Variants in EGFLAM observed in about 807,000 individuals in gnomAD.
EGFLAM encodes the protein EGF like, fibronectin type III and laminin G domains, also known as pikachurin.
A neutral mutation model predicts 113.1 loss-of-function variants in EGFLAM; 79 were observed. The ratio of observed to expected loss-of-function variants is 0.70; its 90% CI spans 0.58 to 0.84. The LOEUF is 0.84. EGFLAM is among the 40% of genes least tolerant of loss of function. The pLI is 0.00. For synonymous variants in EGFLAM, 504 were observed against 487.6 expected (o/e 1.03, Z -0.44); for missense variants, 1,265 against 1,291.6 (o/e 0.98, Z 0.32).
At chr5:38,323,014 A>G (rs1286190467) in intron 1 of EGFLAM, among the ~76,000 whole-genome samples, 1 of 152,190 alleles carries the variant, frequency 6.6e-6, no homozygotes, top group East Asian at 1.9e-4. Context: ...CTGCTTTAAT[A>G]ATAATAGTTG....
rs184822352 is a variant in EGFLAM at position 38,362,285 on chromosome 5, A to G, written c.546-8011A>G. 1.1e-4 allele frequency among the ~76,000 whole-genome samples: 16 copies of G among 152,334 alleles called. 1 individual carries two copies. The East Asian group carries it at 2.7e-3, about 26-fold the overall frequency. On this transcript the variant is annotated intron_variant, in intron 5 of 21. Coordinates refer to ENST00000322350, the MANE Select transcript of EGFLAM (RefSeq NM_152403.4). Reference sequence around the variant, plus strand: ...CCTACTGTGATTTTATTTCATGTGGAATGCAAATTCATGTCTTAGAGCTCG... The same window carrying G: ...CCTACTGTGATTTTATTTCATGTGGGATGCAAATTCATGTCTTAGAGCTCG...
intron 1 of EGFLAM, among the ~76,000 whole-genome samples, chr5:38,271,932 A>G (rs768378783): frequency 2.0e-5 from 3 of 152,204 alleles, no homozygotes; most frequent in Non-Finnish European, 2.9e-5. Context: ...ACATTTTCAC[A>G]TTGTGTGATT....
chr5:38,325,104 A>G (rs773379553), intron 1 of EGFLAM, among the ~76,000 whole-genome samples: 6 of 152,152 alleles, frequency 3.9e-5, no homozygotes, highest in Non-Finnish European at 8.8e-5. Context: ...CACAGGATAT[A>G]TGTGGCAATG....
At chr5:38,387,289 C>T (rs572538153) in intron 6 of EGFLAM, among the ~76,000 whole-genome samples, 8 of 152,292 alleles carry the variant, frequency 5.3e-5, no homozygotes, top group East Asian at 3.9e-4. Context: ...GGATAAAGGC[C>T]GTATGATGGC....
At chr5:38,323,491 G>T (rs1192998073) in intron 1 of EGFLAM, among the ~76,000 whole-genome samples, 1 of 152,094 alleles carries the variant, frequency 6.6e-6, no homozygotes, top group Admixed American at 6.5e-5. Flanking sequence ...TTGTATAGAT[G>T]CATTATTTTA....
intron 17 of EGFLAM, among the ~76,000 whole-genome samples, chr5:38,444,041 G>A (rs1428114486): frequency 6.6e-6 from 1 of 152,110 alleles, no homozygotes; most frequent in Non-Finnish European, 1.5e-5. Flanking sequence ...AAAGGGCTGG[G>A]ATTACAGGTG....
intron 13 of EGFLAM, among the ~76,000 whole-genome samples, chr5:38,425,486 A>G (rs1741973433): frequency 6.6e-6 from 1 of 152,116 alleles, no homozygotes; most frequent in Admixed American, 6.5e-5. Context: ...TACTTTTAAC[A>G]AATCTAACAA....
intron 9 of EGFLAM, among the ~76,000 whole-genome samples, 166 bp downstream of exon 9, chr5:38,408,071 A>G (rs954386412): frequency 1.3e-5 from 2 of 152,206 alleles, no homozygotes; most frequent in East Asian, 3.8e-4. Context: ...ATAGGAATGA[A>G]GAGTACATTC....
At chr5:38,267,903 T>C (rs1757671682) in intron 1 of EGFLAM, among the ~76,000 whole-genome samples, 3 of 152,196 alleles carry the variant, frequency 2.0e-5, no homozygotes. Flanking sequence ...AATGTTTTTA[T>C]TGGTGAAAAT....
At chr5:38,385,827 T>C (rs990372191) in intron 6 of EGFLAM, among the ~76,000 whole-genome samples, 1 of 152,232 alleles carries the variant, frequency 6.6e-6, no homozygotes, top group Non-Finnish European at 1.5e-5. Flanking sequence ...ACAACAGGGA[T>C]ACATTCTGAG....
intron 1 of EGFLAM, among the ~76,000 whole-genome samples, chr5:38,274,448 G>A (rs7724603): frequency 0.41 from 62,976 of 151,980 alleles, 13,580 homozygotes; most frequent in Middle Eastern, 0.58. Flanking sequence ...GATCCTGAAA[G>A]CAGCAAGAGA....
At chr5:38,422,847 A>G (rs1741878541) in intron 12 of EGFLAM, among the ~76,000 whole-genome samples, 1 of 152,206 alleles carries the variant, frequency 6.6e-6, no homozygotes, top group African/African-American at 2.4e-5. Flanking sequence ...AGCTCCAGGC[A>G]GAGGCTAGGG....
intron 1 of EGFLAM, among the ~76,000 whole-genome samples, chr5:38,302,254 A>G (rs983871921): frequency 1.3e-5 from 2 of 149,860 alleles, no homozygotes; most frequent in Non-Finnish European, 1.5e-5. Flanking sequence ...AAAAAAAAAA[A>G]TCAGTCTCAA....
chr5:38,384,229 C>T (rs183774909), intron 6 of EGFLAM, among the ~76,000 whole-genome samples: 2 of 151,986 alleles, frequency 1.3e-5, no homozygotes, highest in African/African-American at 2.4e-5. Context: ...TTGAAACTGG[C>T]GAGTCATTGA....
intron 1 of EGFLAM, among the ~76,000 whole-genome samples, chr5:38,329,421 T>C (rs962735323): frequency 6.6e-6 from 1 of 152,198 alleles, no homozygotes; most frequent in African/African-American, 2.4e-5. Context: ...AATATTTTTG[T>C]TATTGGGTCC....
At chr5:38,262,202 C>T (rs1448213949) in intron 1 of EGFLAM, among the ~76,000 whole-genome samples, 2 of 152,212 alleles carry the variant, frequency 1.3e-5, no homozygotes, top group Admixed American at 6.5e-5. Flanking sequence ...ACCTGAGTCT[C>T]ACCAGAAAGT....
In EGFLAM at chr5:38,462,902, T is replaced by C; in HGVS notation, c.2772-6T>C. On this transcript the variant is annotated splice_polypyrimidine_tract_variant and splice_region_variant and intron_variant, in intron 20 of 21. Coordinates refer to ENST00000322350, the MANE Select transcript of EGFLAM (RefSeq NM_152403.4). Reference sequence around the variant, plus strand: ...TTTTGTTCTTTTTTGTTTTGGTGTTTTGCAGGGATGGCCAGTCAGGAAAGA... The same window carrying C: ...TTTTGTTCTTTTTTGTTTTGGTGTTCTGCAGGGATGGCCAGTCAGGAAAGA... 2 of 1,614,094 alleles carry C rather than the reference T, an allele frequency of 1.2e-6. No individual in the cohort carries two copies. Among genetic ancestry groups the C allele is most frequent in the Non-Finnish European group, 1.7e-6 (2 of 1,179,982 alleles).
intron 1 of EGFLAM, among the ~76,000 whole-genome samples, chr5:38,289,615 C>A (rs2111785961): frequency 6.6e-6 from 1 of 152,310 alleles, no homozygotes; most frequent in Non-Finnish European, 1.5e-5. Flanking sequence ...CAAGAAATGA[C>A]ACTAACTTCC....
chr5:38,361,523 G>A (rs1018147634), intron 5 of EGFLAM, among the ~76,000 whole-genome samples: 1 of 152,172 alleles, frequency 6.6e-6, no homozygotes, highest in Non-Finnish European at 1.5e-5. Flanking sequence ...TTGATCTAGA[G>A]CAGGGGTGTC....
Sources: gnomAD v4.1 joint callset for allele counts (sites outside exome capture counted in the v4.1 genomes callset) on GRCh38, gnomAD v4.1.1 for gene constraint, MANE v1.5 for transcripts, NCBI Gene and HGNC (gene_info 2026-07-23, HGNC 2026-07-21) for gene names.